Variants in RABL3 observed in about 807,000 individuals in gnomAD.
RABL3 encodes the protein rab-like protein 3.
In RABL3, 31 loss-of-function variants were observed where a neutral mutation model predicts 31.8. The observed-to-expected ratio is 0.97, with a 90% CI of 0.73 to 1.31. The LOEUF is 1.31. Among genes scored for constraint, RABL3 ranks in the 40% most tolerant of loss-of-function variants. The probability of loss-of-function intolerance (pLI) is 0.00; values close to 1 mark genes in which losing one functional copy is unlikely to be tolerated. For missense variants in RABL3, 263 were observed against 279.6 expected, an observed-to-expected ratio of 0.94 and a Z score of 0.42; for synonymous variants, 97 against 99.9, an observed-to-expected ratio of 0.97 and a Z score of 0.18.
At chr3:120,702,453 G>C (rs1708502611) in intron 4 of RABL3, among the ~76,000 whole-genome samples, 1 of 152,088 alleles carries the variant, frequency 6.6e-6, no homozygotes, top group South Asian at 2.1e-4. Flanking sequence ...AGATGGTAAT[G>C]CTCACTCACC....
Position 120,688,608 on chromosome 3 carries a change from T to C in RABL3, c.*1215A>G, listed in dbSNP as rs1189019573. Reference sequence around the variant, plus strand: ...ATGAAAACTGTATATTTATTATTGTTATTTAAAAGTATGGAGCAAAATCAG... The same window carrying C: ...ATGAAAACTGTATATTTATTATTGTCATTTAAAAGTATGGAGCAAAATCAG... On this transcript the variant is annotated 3_prime_UTR_variant, in exon 8 of 8. Transcript: ENST00000273375. The C allele has an allele frequency of 6.6e-6, 1 of 152,198 alleles. No individual in the cohort carries two copies. The highest frequency in any genetic ancestry group is 1.5e-5 in the Non-Finnish European group (1 of 68,034). The allele number at this position is 152,198 out of a possible 1,614,324, so 9.4% of individuals were successfully genotyped here. A position where few individuals can be genotyped will look rare whatever the true frequency, so the allele number is the denominator to read the frequency against.
chr3:120,739,580 A>G (rs540875671), intron 1 of RABL3, among the ~76,000 whole-genome samples: 3 of 152,278 alleles, frequency 2.0e-5, no homozygotes, highest in African/African-American at 7.2e-5. Context: ...TATTAAATAT[A>G]TTAATCATTT....
chr3:120,738,909 C>A (rs1269214817), intron 1 of RABL3, among the ~76,000 whole-genome samples: 1 of 152,036 alleles, frequency 6.6e-6, no homozygotes, highest in Non-Finnish European at 1.5e-5. Context: ...GTATACCTTC[C>A]CAGGAGTAAA....
chr3:120,705,496 G>T (rs1304679300), intron 4 of RABL3, among the ~76,000 whole-genome samples: 1 of 152,108 alleles, frequency 6.6e-6, no homozygotes, highest in Non-Finnish European at 1.5e-5. Flanking sequence ...ATACTAATAT[G>T]GTCAACTGAT....
At chr3:120,703,019 G>C (rs1708511422) in intron 4 of RABL3, among the ~76,000 whole-genome samples, 1 of 152,168 alleles carries the variant, frequency 6.6e-6, no homozygotes, top group African/African-American at 2.4e-5. Context: ...GGGAGCCCCA[G>C]CAAATCACAA....
At position 120,730,695 on chromosome 3, in the gene RABL3, C is replaced by G; in HGVS notation, c.138+1G>C. The G allele has an allele frequency of 7.5e-6, 12 of 1,604,900 alleles. No homozygotes were observed. The highest frequency in any genetic ancestry group is 1.0e-5 in the Non-Finnish European group (12 of 1,173,824). ...AAAACTAAAATATAAAAGACACATA[C>G]TCTGACATCCACTGAGCAGCCCACA... On this transcript the variant is annotated splice_donor_variant, in intron 2 of 7. Coordinates refer to ENST00000273375, the MANE Select transcript of RABL3 (RefSeq NM_173825.5). LOFTEE classifies it high-confidence loss of function.
At chr3:120,742,022 T>A (rs1365685079) in intron 1 of RABL3, among the ~76,000 whole-genome samples, 2 of 152,190 alleles carry the variant, frequency 1.3e-5, no homozygotes, top group African/African-American at 4.8e-5. Flanking sequence ...GCGAAGCGCT[T>A]GCCAGTGCAC....
chr3:120,690,597 T>G, intron 6 of RABL3, 110 bp from the exon 7 acceptor site: 1 of 721,792 alleles, frequency 1.4e-6, no homozygotes, highest in Non-Finnish European at 2.4e-6. Context: ...AAGAATCTTT[T>G]CCATAGCAGT....
At chr3:120,737,246 C>A (rs1708979465) in intron 1 of RABL3, among the ~76,000 whole-genome samples, 1 of 152,164 alleles carries the variant, frequency 6.6e-6, no homozygotes, top group Non-Finnish European at 1.5e-5. Context: ...TTTCTCTAAA[C>A]TTCTCTTCTC....
chr3:120,724,106 G>A (rs972606947), intron 2 of RABL3, among the ~76,000 whole-genome samples: 2 of 152,156 alleles, frequency 1.3e-5, no homozygotes, highest in African/African-American at 2.4e-5. Context: ...CAAGGTCTCA[G>A]GATACAAAAT....
chr3:120,732,280 G>A (rs982908165), intron 1 of RABL3, among the ~76,000 whole-genome samples: 7 of 152,294 alleles, frequency 4.6e-5, no homozygotes, highest in African/African-American at 1.7e-4. Context: ...TCTTTGGAGA[G>A]TCAGCATCAT....
chr3:120,736,442 T>C (rs897288642), intron 1 of RABL3, among the ~76,000 whole-genome samples: 1 of 152,216 alleles, frequency 6.6e-6, no homozygotes, highest in South Asian at 2.1e-4. Context: ...TGTGTCTCTG[T>C]ACATGAGCTG....
At chr3:120,698,898 T>C (rs1420291459) in intron 4 of RABL3, among the ~76,000 whole-genome samples, 2 of 152,214 alleles carry the variant, frequency 1.3e-5, no homozygotes, top group East Asian at 1.9e-4. Flanking sequence ...AATGTAGCTG[T>C]GTCTTCTAAG....
chr3:120,726,508 C>T (rs1240470118), intron 2 of RABL3, among the ~76,000 whole-genome samples: 2 of 152,016 alleles, frequency 1.3e-5, no homozygotes, highest in Non-Finnish European at 2.9e-5. Flanking sequence ...TGCCTGTAAT[C>T]CCCGGCCAGA....
At chr3:120,738,184 C>A (rs1027670259) in intron 1 of RABL3, among the ~76,000 whole-genome samples, 3 of 152,240 alleles carry the variant, frequency 2.0e-5, no homozygotes, top group African/African-American at 7.2e-5. Context: ...TCTTTGTTTA[C>A]TTACTCAAGC....
intron 2 of RABL3, among the ~76,000 whole-genome samples, chr3:120,713,492 C>T (rs1453861005): frequency 6.6e-6 from 1 of 152,168 alleles, no homozygotes; most frequent in East Asian, 1.9e-4. Flanking sequence ...TACTTTGGTG[C>T]TATACTGAGA....
rs1034699264 is a variant in RABL3, at chr3:120,687,102, A to C, written c.*2721T>G. 2.0e-5 allele frequency: 3 copies of C among 152,232 alleles called. No homozygotes were observed. Among genetic ancestry groups the C allele is most frequent in the Admixed American group, 6.5e-5 (1 of 15,272 alleles). The allele number at this position is 152,232 out of a possible 1,614,324, so 9.4% of individuals were successfully genotyped here. A position where few individuals can be genotyped will look rare whatever the true frequency, so the allele number is the denominator to read the frequency against. ...CCATCAACGTTAAGATGGAGAGACC[A>C]GCCCAAATCTTTAGTTGGATTCCAG... On this transcript the variant is annotated 3_prime_UTR_variant, in exon 8 of 8. Coordinates refer to ENST00000273375, the MANE Select transcript of RABL3 (RefSeq NM_173825.5).
In RABL3 at chr3:120,687,333, A is replaced by T. The variant is rs1708322613; in HGVS notation, c.*2490T>A. Reference sequence around the variant, plus strand: ...TCCCACTCTGTCATCAGGCTGCTGGAAGGCAGTGGTGCAATCATGAATCAC... The same window carrying T: ...TCCCACTCTGTCATCAGGCTGCTGGTAGGCAGTGGTGCAATCATGAATCAC... On this transcript the variant is annotated 3_prime_UTR_variant, in exon 8 of 8. Coordinates refer to ENST00000273375, the MANE Select transcript of RABL3 (RefSeq NM_173825.5). The T allele has an allele frequency of 6.6e-6, 1 of 152,236 alleles. No homozygotes were observed. The highest frequency in any genetic ancestry group is 1.5e-5 in the Non-Finnish European group (1 of 68,042). The allele number at this position is 152,236 out of a possible 1,614,324, so 9.4% of individuals were successfully genotyped here.
intron 1 of RABL3, among the ~76,000 whole-genome samples, chr3:120,732,879 A>G (rs949061248): frequency 2.0e-5 from 3 of 152,162 alleles, no homozygotes; most frequent in African/African-American, 7.2e-5. Flanking sequence ...ATGTCCCTGC[A>G]AAGGACATGA....
Sources: allele counts gnomAD v4.1 joint callset (sites outside exome capture counted in the v4.1 genomes callset), GRCh38; gene constraint gnomAD v4.1.1; transcripts MANE v1.5; gene names NCBI Gene and HGNC (gene_info 2026-07-23, HGNC 2026-07-21).